Variants in GLI3 observed in about 807,000 individuals in gnomAD.
GLI3 encodes GLI family zinc finger 3.
In GLI3, 20 loss-of-function variants were observed where a neutral mutation model predicts 100.8. The observed-to-expected ratio is 0.20, with a 90% CI of 0.14 to 0.29. The LOEUF (loss-of-function observed/expected upper bound fraction) is 0.29. Ranked by LOEUF, GLI3 falls within the 10% of genes least tolerant of loss-of-function variation. The pLI is 1.00. For synonymous variants in GLI3, 938 were observed against 860.5 expected (o/e 1.09, Z -1.58); for missense variants, 2,040 against 2,128.5 (o/e 0.96, Z 0.82).
At chr7:42,135,432 A>G (rs1369328665) in intron 3 of GLI3, among the ~76,000 whole-genome samples, 1 of 152,232 alleles carries the variant, frequency 6.6e-6, no homozygotes, top group African/African-American at 2.4e-5. Flanking sequence ...CAGACCAGAT[A>G]TATCTCAGGT....
At chr7:42,065,791 G>T (rs1784661403) in intron 4 of GLI3, among the ~76,000 whole-genome samples, 1 of 152,116 alleles carries the variant, frequency 6.6e-6, no homozygotes, top group African/African-American at 2.4e-5. Flanking sequence ...TGTAACACCT[G>T]AACTACCCTC....
intron 1 of GLI3, among the ~76,000 whole-genome samples, chr7:42,253,348 C>T (rs530324518): frequency 5.3e-5 from 8 of 152,164 alleles, no homozygotes; most frequent in South Asian, 4.1e-4. Context: ...GTGTGCTCAG[C>T]GCATCTGCAG....
chr7:42,096,500 A>G (rs1271551629), intron 3 of GLI3, among the ~76,000 whole-genome samples: 1 of 152,182 alleles, frequency 6.6e-6, no homozygotes. Context: ...CATGGTTTAA[A>G]AGGGGAGCAG....
intron 2 of GLI3, among the ~76,000 whole-genome samples, chr7:42,220,951 A>G (rs1484128109): frequency 2.6e-5 from 4 of 152,230 alleles, no homozygotes; most frequent in Non-Finnish European, 5.9e-5. Flanking sequence ...AAGTTTGACC[A>G]ATCAATGTCG....
intron 10 of GLI3, among the ~76,000 whole-genome samples, chr7:42,015,605 GA>G (rs1434312251): frequency 2.0e-5 from 3 of 148,484 alleles, no homozygotes; most frequent in East Asian, 2.0e-4. Context: ...CCCTAGGCCT[GA>G]AAAAAAAAAT....
At chr7:42,252,305 C>T (rs1789041225) in intron 1 of GLI3, among the ~76,000 whole-genome samples, 1 of 152,096 alleles carries the variant, frequency 6.6e-6, no homozygotes, top group Non-Finnish European at 1.5e-5. Context: ...AACCAATGAA[C>T]ACATAGAGGG....
chr7:42,261,188 G>GACACACACAAAAACAC (rs1789135237), intron 1 of GLI3, among the ~76,000 whole-genome samples: 2 of 145,664 alleles, frequency 1.4e-5, no homozygotes, highest in Middle Eastern at 3.3e-3. Flanking sequence ...GCAGGAACAA[G>GACACACACAAAAACAC]ACACACACAC....
At chr7:42,028,281 C>T (rs1035735908) in intron 7 of GLI3, among the ~76,000 whole-genome samples, 1 of 152,194 alleles carries the variant, frequency 6.6e-6, no homozygotes, top group African/African-American at 2.4e-5. Flanking sequence ...GGAGCCTAGA[C>T]TATCTGGCAG....
At chr7:42,090,894 T>C (rs978409416) in intron 3 of GLI3, among the ~76,000 whole-genome samples, 1 of 152,248 alleles carries the variant, frequency 6.6e-6, no homozygotes, top group African/African-American at 2.4e-5. Context: ...ATATGCTATT[T>C]TGCAAATGAG....
chr7:42,015,925 G>A (rs183659132), intron 10 of GLI3, among the ~76,000 whole-genome samples: 30 of 151,530 alleles, frequency 2.0e-4, no homozygotes, highest in African/African-American at 4.9e-4. Flanking sequence ...TCCACACTAC[G>A]CGACAAGAGG....
chr7:42,086,952 TG>T (rs1476483815), intron 3 of GLI3, among the ~76,000 whole-genome samples: 1 of 152,154 alleles, frequency 6.6e-6, no homozygotes, highest in Non-Finnish European at 1.5e-5. Context: ...CCTTTCCTGC[TG>T]GGCAGTATGG....
intron 4 of GLI3, among the ~76,000 whole-genome samples, chr7:42,073,131 T>C (rs1490830308): frequency 6.6e-6 from 1 of 152,210 alleles, no homozygotes; most frequent in African/African-American, 2.4e-5. Context: ...AGGTCCTACT[T>C]AGAAGTTCTG....
At chr7:42,091,195 G>C (rs999566392) in intron 3 of GLI3, among the ~76,000 whole-genome samples, 1 of 152,220 alleles carries the variant, frequency 6.6e-6, no homozygotes, top group Non-Finnish European at 1.5e-5. Context: ...GAGTACACCT[G>C]TATTTCCCAC....
intron 10 of GLI3, among the ~76,000 whole-genome samples, chr7:41,984,749 C>T (rs1371189155): frequency 4.6e-5 from 7 of 152,218 alleles, no homozygotes; most frequent in South Asian, 2.1e-4. Flanking sequence ...AGCTCCCCTG[C>T]GCATGTACTT....
intron 3 of GLI3, among the ~76,000 whole-genome samples, chr7:42,096,628 T>A (rs1199275823): frequency 6.6e-6 from 1 of 152,056 alleles, no homozygotes; most frequent in African/African-American, 2.4e-5. Flanking sequence ...GTGTTCAGGG[T>A]CCCTTCAGAC....
upstream of GLI3, among the ~76,000 whole-genome samples, chr7:42,238,198 C>T (rs991530118): frequency 6.6e-6 from 1 of 151,964 alleles, no homozygotes; most frequent in African/African-American, 2.4e-5. Flanking sequence ...TCTCTCTTCT[C>T]TCTCCACACC....
At chr7:42,069,120 C>T (rs1784735473) in intron 4 of GLI3, among the ~76,000 whole-genome samples, 1 of 152,136 alleles carries the variant, frequency 6.6e-6, no homozygotes, top group Non-Finnish European at 1.5e-5. Flanking sequence ...TCAATATCTG[C>T]TCCTGGACCG....
chr7:41,987,519 C>T (rs2128716484), intron 10 of GLI3, among the ~76,000 whole-genome samples: 1 of 152,308 alleles, frequency 6.6e-6, no homozygotes, highest in Non-Finnish European at 1.5e-5. Flanking sequence ...TTACTGGCCT[C>T]AGTTAATAAC....
At chr7:42,181,329 G>A (rs371243097) in intron 2 of GLI3, among the ~76,000 whole-genome samples, 7 of 152,152 alleles carry the variant, frequency 4.6e-5, no homozygotes, top group Admixed American at 1.3e-4. Flanking sequence ...GGCTAGGCGC[G>A]GTGGCTCACC....
Sources: allele counts gnomAD v4.1 joint callset (sites outside exome capture counted in the v4.1 genomes callset), GRCh38; gene constraint gnomAD v4.1.1; transcripts MANE v1.5; gene names NCBI Gene and HGNC (gene_info 2026-07-23, HGNC 2026-07-21).